MBOAT2: variants seen among roughly 807,000 people sequenced by gnomAD.
MBOAT2 encodes the protein membrane bound glycerophospholipid O-acyltransferase 2.
MBOAT2 carries 28 observed loss-of-function variants against 63.4 expected under a neutral mutation model. The ratio of observed to expected loss-of-function variants is 0.44; its 90% CI spans 0.33 to 0.61. MBOAT2 has a LOEUF of 0.61. Ranked by LOEUF, MBOAT2 falls within the 20% of genes least tolerant of loss-of-function variation. MBOAT2 has a pLI of 0.03. For synonymous variants in MBOAT2, 211 were observed against 215.6 expected (o/e 0.98, Z 0.19); for missense variants, 470 against 605.8 (o/e 0.78, Z 2.35).
At position 8,958,611 on chromosome 2, in the gene MBOAT2, A is replaced by G; in HGVS notation, c.107T>C (p.Leu36Ser). The G allele has an allele frequency of 6.2e-7, 1 of 1,608,492 alleles. No individual in the cohort carries two copies. Among genetic ancestry groups the G allele is most frequent in the Non-Finnish European group, 8.5e-7 (1 of 1,178,410 alleles). Reference sequence around the variant, plus strand: ...AGTTCGAAACCAAATGGCTGCTAGCAAGGCAAAGAGTTGGCACACTACAAA... The same window carrying G: ...AGTTCGAAACCAAATGGCTGCTAGCGAGGCAAAGAGTTGGCACACTACAAA... ...VNFVVCQLFA[L>S]LAAIWFRTYL... The change falls in exon 2 of 13, where the codon TTG becomes TCG. Residue 36 changes from leucine to serine, a missense_variant. Leu to Ser is a moderately radical substitution (Grantham distance 145, BLOSUM62 -2). Around this residue, in one of 3 missense-constraint regions of MBOAT2, gnomAD observed 376 missense variants for 503.8 expected, o/e 0.75. Coordinates refer to ENST00000305997, the MANE Select transcript of MBOAT2 (RefSeq NM_138799.4).
chr2:8,860,996 G>T, intron 11 of MBOAT2: 1 of 284,340 alleles, frequency 3.5e-6, no homozygotes, highest in Admixed American at 5.3e-5. Flanking sequence ...GGAAGTAACA[G>T]GGAAAACATA....
intron 3 of MBOAT2, among the ~76,000 whole-genome samples, chr2:8,922,749 T>C (rs192380025): frequency 2.6e-5 from 4 of 152,370 alleles, no homozygotes; most frequent in Admixed American, 2.6e-4. Flanking sequence ...AGGCCTCCTC[T>C]GTGCTGAGAT....
intron 4 of MBOAT2, among the ~76,000 whole-genome samples, chr2:8,897,908 T>C (rs560586596): frequency 6.6e-5 from 10 of 152,342 alleles, no homozygotes; most frequent in Non-Finnish European, 1.0e-4. Flanking sequence ...AATTGTCTGA[T>C]AGCCATAAAC....
intron 2 of MBOAT2, among the ~76,000 whole-genome samples, chr2:8,952,943 T>C (rs1573151840): frequency 6.6e-6 from 1 of 152,338 alleles, no homozygotes; most frequent in Middle Eastern, 3.4e-3. Flanking sequence ...CTCTGCCTTT[T>C]AAGTGGAGCA....
At chr2:8,889,373 C>T (rs1225317831) in intron 4 of MBOAT2, among the ~76,000 whole-genome samples, 2 of 152,230 alleles carry the variant, frequency 1.3e-5, no homozygotes, top group Admixed American at 1.3e-4. Context: ...TTCTCCTCAA[C>T]TAACGGGAAG....
rs980764793 is a variant in MBOAT2, at chr2:8,901,183, T to C, written c.395+7438A>G. 3.3e-5 allele frequency among the ~76,000 whole-genome samples: 5 copies of C among 151,810 alleles called. 1 individual carries two copies. Among genetic ancestry groups the C allele is most frequent in the African/African-American group, 7.3e-5 (3 of 41,296 alleles). Reference sequence around the variant, plus strand: ...CCCTGGACCCTGCTGATTGGAATAGTTGCGCTCACCGATGCAGCAGCAGAA... The same window carrying C: ...CCCTGGACCCTGCTGATTGGAATAGCTGCGCTCACCGATGCAGCAGCAGAA... On this transcript the variant is annotated intron_variant, in intron 4 of 12. Transcript: ENST00000305997.
At chr2:8,918,594 A>C (rs922307996) in intron 3 of MBOAT2, among the ~76,000 whole-genome samples, 1 of 152,190 alleles carries the variant, frequency 6.6e-6, no homozygotes, top group African/African-American at 2.4e-5. Context: ...GCAATAAATA[A>C]ATGGAGTGCA....
At chr2:8,996,450 C>T (rs1220814013) in intron 1 of MBOAT2, among the ~76,000 whole-genome samples, 2 of 152,192 alleles carry the variant, frequency 1.3e-5, no homozygotes, top group Non-Finnish European at 2.9e-5. Flanking sequence ...CAGATCCACT[C>T]TCCTCTCTAT....
intron 8 of MBOAT2, among the ~76,000 whole-genome samples, chr2:8,871,649 GT>G (rs1259626666): frequency 1.3e-5 from 2 of 152,084 alleles, no homozygotes; most frequent in Admixed American, 6.6e-5. Flanking sequence ...AATCCATAAG[GT>G]AACATATTTT....
In MBOAT2 at chr2:8,957,674, T is replaced by C. The variant is rs564873334; in HGVS notation, c.221+823A>G. Among the ~76,000 whole-genome samples, 4 of 152,250 alleles carry C rather than the reference T, an allele frequency of 2.6e-5. No individual in the cohort carries two copies. In the East Asian group the frequency reaches 5.8e-4, roughly 22 times the overall value. On this transcript the variant is annotated intron_variant, in intron 2 of 12. Coordinates refer to ENST00000305997, the MANE Select transcript of MBOAT2 (RefSeq NM_138799.4). ...AGGGAATTCTGATATCAAACAACAA[T>C]CTGCAGAAGAGCAAGCCTAGAAGTC...
chr2:8,931,200 G>A (rs1573084706), intron 3 of MBOAT2, among the ~76,000 whole-genome samples: 1 of 152,176 alleles, frequency 6.6e-6, no homozygotes, highest in Non-Finnish European at 1.5e-5. Context: ...TGTTGTTTCT[G>A]ACTTTTTAAT....
chr2:8,997,227 C>T (rs548921939), intron 1 of MBOAT2, among the ~76,000 whole-genome samples: 1 of 152,176 alleles, frequency 6.6e-6, no homozygotes, highest in Non-Finnish European at 1.5e-5. Flanking sequence ...ATTGTAGAGT[C>T]CCACCTGTTA....
At chr2:8,909,667 T>C (rs1483177137) in intron 3 of MBOAT2, among the ~76,000 whole-genome samples, 1 of 150,574 alleles carries the variant, frequency 6.6e-6, no homozygotes. Context: ...TTTTGACAAA[T>C]AGTTAATTAT....
chr2:8,918,117 T>C (rs1666318565), intron 3 of MBOAT2, among the ~76,000 whole-genome samples: 1 of 152,222 alleles, frequency 6.6e-6, no homozygotes, highest in African/African-American at 2.4e-5. Flanking sequence ...ACAAGTGAAA[T>C]GTGCTATATC....
chr2:8,872,169 C>T (rs917572929), intron 8 of MBOAT2, among the ~76,000 whole-genome samples: 3 of 152,334 alleles, frequency 2.0e-5, no homozygotes, highest in Middle Eastern at 3.4e-3. Flanking sequence ...ACATCTGCCA[C>T]GCAAAGCGAG....
At chr2:8,874,261 G>A (rs949354069) in intron 7 of MBOAT2, among the ~76,000 whole-genome samples, 8 of 152,132 alleles carry the variant, frequency 5.3e-5, no homozygotes, top group African/African-American at 1.9e-4. Flanking sequence ...CTGCGAGGTG[G>A]AACTCAGTGT....
At chr2:8,945,411 T>G (rs765228226) in intron 2 of MBOAT2, among the ~76,000 whole-genome samples, 90 of 152,064 alleles carry the variant, frequency 5.9e-4, no homozygotes, top group Non-Finnish European at 2.1e-4. Context: ...TTTTCAGGAT[T>G]AAGAGATAAT....
At chr2:8,967,090 G>A (rs1005382788) in intron 1 of MBOAT2, among the ~76,000 whole-genome samples, 1 of 152,126 alleles carries the variant, frequency 6.6e-6, no homozygotes, top group African/African-American at 2.4e-5. Flanking sequence ...ACATATAAAT[G>A]TACTTCACAA....
intron 3 of MBOAT2, among the ~76,000 whole-genome samples, chr2:8,937,094 G>C (rs1667724247): frequency 6.6e-6 from 1 of 152,192 alleles, no homozygotes; most frequent in Admixed American, 6.5e-5. Context: ...CCTGGGAACA[G>C]AGAGAGTACG....
Sources: allele counts gnomAD v4.1 joint callset (sites outside exome capture counted in the v4.1 genomes callset), GRCh38; gene constraint gnomAD v4.1.1; regional missense constraint gnomAD v4.1.1; transcripts MANE v1.5; gene names NCBI Gene and HGNC (gene_info 2026-07-23, HGNC 2026-07-21).